The following ANO2 variants were observed in gnomAD, a reference collection of about 807,000 sequenced individuals.
ANO2 encodes anoctamin 2.
Under a neutral mutation model 124.2 loss-of-function variants are expected in ANO2, and 101 were observed. The ratio of observed to expected loss-of-function variants is 0.81; its 90% CI spans 0.69 to 0.96. The LOEUF is 0.96. Ranked by LOEUF, ANO2 falls within the 40% of genes least tolerant of loss-of-function variation. The pLI is 0.00. For missense variants in ANO2, 1,293 were observed against 1,274.5 expected (o/e 1.01, Z -0.22); for synonymous variants, 486 against 482.5 (o/e 1.01, Z -0.09).
chr12:5,576,551 T>C (rs1591652180), intron 22 of ANO2, among the ~76,000 whole-genome samples: 1 of 152,174 alleles, frequency 6.6e-6, no homozygotes, highest in South Asian at 2.1e-4. Flanking sequence ...TATTCTTGTA[T>C]CCATTTTACT....
At chr12:5,753,318 A>G (rs529270941) in intron 10 of ANO2, among the ~76,000 whole-genome samples, 7 of 152,304 alleles carry the variant, frequency 4.6e-5, no homozygotes, top group South Asian at 2.1e-4. Context: ...AGCAGGTAGC[A>G]GAATAGTCAA....
At chr12:5,720,839 C>A (rs1222154286) in intron 14 of ANO2, among the ~76,000 whole-genome samples, 4 of 152,100 alleles carry the variant, frequency 2.6e-5, no homozygotes, top group Admixed American at 2.6e-4. Flanking sequence ...TAATTTAGAC[C>A]CTGGCCAGTA....
rs61059041 is a variant in ANO2, at chr12:5,636,605, TACACACACACACACAC to T, written c.1621-1274_1621-1259del. ...CCTGAAAAAATAAGCTGTGCTGGACTACACACACACACACACACACACACACACACACACACACACA... is the reference window on the plus strand; with the variant it reads ...CCTGAAAAAATAAGCTGTGCTGGACTACACACACACACACACACACACACA... On this transcript the variant is annotated intron_variant, in intron 15 of 24. Transcript: ENST00000682330. This position sits in a 1 kb window ranked among gnomAD's most constrained non-coding sequence, Gnocchi z 4.6. Among the ~76,000 whole-genome samples the T allele has an allele frequency of 4.2e-5, 5 of 118,490 alleles. No individual in the cohort carries two copies. The highest frequency in any genetic ancestry group is 2.8e-4 in the East Asian group (1 of 3,588). The allele number at this position is 118,490 out of a possible 152,430, so 77.7% of individuals were successfully genotyped here.
chr12:5,686,706 G>A (rs990558011), intron 14 of ANO2, among the ~76,000 whole-genome samples: 2 of 152,334 alleles, frequency 1.3e-5, no homozygotes, highest in Non-Finnish European at 2.9e-5. Context: ...GGCAGCAAGC[G>A]CCCACCCAAG....
intron 4 of ANO2, among the ~76,000 whole-genome samples, chr12:5,849,016 T>C (rs946787116): frequency 6.6e-6 from 1 of 152,200 alleles, no homozygotes; most frequent in Non-Finnish European, 1.5e-5. Context: ...TGGAGATGCA[T>C]GGAGCTCTGA....
At chr12:5,866,186 T>G (rs1451492418) in intron 3 of ANO2, among the ~76,000 whole-genome samples, 1 of 152,246 alleles carries the variant, frequency 6.6e-6, no homozygotes, top group Non-Finnish European at 1.5e-5. Flanking sequence ...CCAGGATTTC[T>G]AGGGAAAGCA....
At chr12:5,694,370 A>C (rs1949081615) in intron 14 of ANO2, among the ~76,000 whole-genome samples, 1 of 151,960 alleles carries the variant, frequency 6.6e-6, no homozygotes, top group South Asian at 2.1e-4. Context: ...AGTGTCAGAT[A>C]CAGGCAGCCA....
chr12:5,829,997 A>G (rs1382614621), intron 6 of ANO2, among the ~76,000 whole-genome samples: 2 of 152,224 alleles, frequency 1.3e-5, no homozygotes, highest in East Asian at 1.9e-4. Flanking sequence ...GGGAAAATGC[A>G]TAAACAAACA....
At chr12:5,596,803 C>T (rs945946109) in intron 20 of ANO2, among the ~76,000 whole-genome samples, 1 of 152,204 alleles carries the variant, frequency 6.6e-6, no homozygotes, top group Non-Finnish European at 1.5e-5. Flanking sequence ...ACACTGGACA[C>T]TTAATACACA....
At chr12:5,731,301 G>C (rs767407256) in intron 14 of ANO2, among the ~76,000 whole-genome samples, 4 of 151,222 alleles carry the variant, frequency 2.6e-5, no homozygotes, top group Non-Finnish European at 4.4e-5. Flanking sequence ...CTTGGTCTTC[G>C]TCTAGGAAAA....
At chr12:5,699,781 G>T (rs1226718207) in intron 14 of ANO2, among the ~76,000 whole-genome samples, 1 of 152,230 alleles carries the variant, frequency 6.6e-6, no homozygotes, top group South Asian at 2.1e-4. Flanking sequence ...AAAGGCAGGG[G>T]TTGCAATCCT....
rs923230615 is a variant in ANO2, at chr12:5,633,603, GT to G, written c.1816+1548del. 5.9e-5 allele frequency among the ~76,000 whole-genome samples: 9 copies of G among 151,822 alleles called. No individual in the cohort carries two copies. In the South Asian group the frequency reaches 6.3e-4, roughly 11 times the overall value. ...CAAAACAAAACAAAAAAAAAAACACGTTCTGGTCAACTCCGTCAGCACAGTT... is the reference window on the plus strand; with the variant it reads ...CAAAACAAAACAAAAAAAAAAACACGTCTGGTCAACTCCGTCAGCACAGTT... On this transcript the variant is annotated intron_variant, in intron 16 of 24. Coordinates refer to ENST00000682330, the MANE Select transcript of ANO2 (RefSeq NM_001364791.2).
At chr12:5,922,519 C>G in intron 2 of ANO2, 101 bp downstream of exon 2, 1 of 1,308,182 alleles carries the variant, frequency 7.6e-7, no homozygotes, top group Non-Finnish European at 1.0e-6. Context: ...CTTTCACGCA[C>G]ACATGTGCTC....
chr12:5,773,648 T>G (rs767303341), intron 10 of ANO2, among the ~76,000 whole-genome samples: 11 of 152,174 alleles, frequency 7.2e-5, no homozygotes, highest in Non-Finnish European at 1.0e-4. Flanking sequence ...CTTTCTAGCT[T>G]AAGAATTCAA....
intron 3 of ANO2, among the ~76,000 whole-genome samples, chr12:5,881,016 A>G (rs905820495): frequency 6.6e-6 from 1 of 152,212 alleles, no homozygotes; most frequent in Non-Finnish European, 1.5e-5. Context: ...GATGGACTGG[A>G]TTTATGATGA....
At chr12:5,758,955 G>C (rs368312354) in intron 10 of ANO2, among the ~76,000 whole-genome samples, 2 of 152,022 alleles carry the variant, frequency 1.3e-5, no homozygotes, top group East Asian at 3.8e-4. Flanking sequence ...ATAGATTAAA[G>C]CAGAATCTAC....
chr12:5,672,292 A>G (rs1190522289), intron 14 of ANO2, among the ~76,000 whole-genome samples: 1 of 152,200 alleles, frequency 6.6e-6, no homozygotes, highest in Non-Finnish European at 1.5e-5. Context: ...AAAAAAGTCA[A>G]AACCAAGCTC....
chr12:5,775,867 T>C (rs1233953532), intron 10 of ANO2, among the ~76,000 whole-genome samples: 1 of 152,144 alleles, frequency 6.6e-6, no homozygotes, highest in African/African-American at 2.4e-5. Context: ...AACTACAGTT[T>C]TTGCTGTGCT....
intron 13 of ANO2, among the ~76,000 whole-genome samples, chr12:5,738,905 A>T (rs11611545): frequency 0.13 from 20,235 of 152,042 alleles, 1,740 homozygotes; most frequent in African/African-American, 0.24. Flanking sequence ...ATTCACAGAC[A>T]TCAAAGACAA....
Sources: gnomAD v4.1 joint callset for allele counts (sites outside exome capture counted in the v4.1 genomes callset) on GRCh38, gnomAD v4.1.1 for gene constraint, Gnocchi (gnomAD v3.1) non-coding constraint, MANE v1.5 for transcripts, NCBI Gene and HGNC (gene_info 2026-07-23, HGNC 2026-07-21) for gene names.